The following MYO1E variants were observed in gnomAD, a reference collection of about 807,000 sequenced individuals.
The protein encoded by MYO1E is myosin IE.
Under a neutral mutation model 151.1 loss-of-function variants are expected in MYO1E, and 68 were observed. The observed-to-expected ratio is 0.45, with a 90% CI of 0.37 to 0.55. The LOEUF (loss-of-function observed/expected upper bound fraction) is 0.55, where lower values mean the gene tolerates loss of function less well. Among genes scored for constraint, MYO1E ranks in the 20% least tolerant of loss-of-function variants. The pLI is 0.00. For synonymous variants in MYO1E, 601 were observed against 501.7 expected, an observed-to-expected ratio of 1.20 and a Z score of -2.64; for missense variants, 1,363 against 1,389.3, an observed-to-expected ratio of 0.98 and a Z score of 0.30.
chr15:59,226,689 C>T (rs1459777254), intron 7 of MYO1E, among the ~76,000 whole-genome samples: 1 of 152,174 alleles, frequency 6.6e-6, no homozygotes, highest in Non-Finnish European at 1.5e-5. Flanking sequence ...TGCCTATAGT[C>T]CCAGCTACTT....
intron 15 of MYO1E, among the ~76,000 whole-genome samples, chr15:59,204,064 C>T (rs775958000): frequency 6.6e-6 from 1 of 152,092 alleles, no homozygotes; most frequent in Non-Finnish European, 1.5e-5. Flanking sequence ...TTAAACTTGG[C>T]AGGAATTTTA....
intron 4 of MYO1E, among the ~76,000 whole-genome samples, chr15:59,253,371 A>G (rs2080175946): frequency 6.6e-6 from 1 of 152,214 alleles, no homozygotes; most frequent in African/African-American, 2.4e-5. Context: ...GATTTATAAC[A>G]GACGGGTTCA....
At chr15:59,202,995 C>T (rs1359470931) in intron 15 of MYO1E, among the ~76,000 whole-genome samples, 1 of 152,228 alleles carries the variant, frequency 6.6e-6, no homozygotes, top group African/African-American at 2.4e-5. Context: ...GTGCTCCTGC[C>T]TCAGCCTCCT....
chr15:59,217,813 C>G (rs2079928744), intron 10 of MYO1E, 78 bp downstream of exon 10: 1 of 1,523,376 alleles, frequency 6.6e-7, no homozygotes. Flanking sequence ...CAGGTGTGAG[C>G]CACCGCACCC....
At chr15:59,338,058 A>G (rs2140427121) in intron 1 of MYO1E, among the ~76,000 whole-genome samples, 1 of 152,292 alleles carries the variant, frequency 6.6e-6, no homozygotes, top group African/African-American at 2.4e-5. Flanking sequence ...TCTAAAGGAA[A>G]TAAGCTCTGT....
At chr15:59,347,725 G>A (rs1245959837) in intron 1 of MYO1E, among the ~76,000 whole-genome samples, 1 of 151,990 alleles carries the variant, frequency 6.6e-6, no homozygotes, top group Non-Finnish European at 1.5e-5. Context: ...TTCACAACAG[G>A]AGACAAAGAA....
At chr15:59,281,280 C>CT (rs748503755) in intron 1 of MYO1E, among the ~76,000 whole-genome samples, 56 of 146,136 alleles carry the variant, frequency 3.8e-4, no homozygotes, top group Admixed American at 4.8e-4. Flanking sequence ...TCTTTTCTTT[C>CT]TTTTTTTTTT....
intron 1 of MYO1E, among the ~76,000 whole-genome samples, chr15:59,274,384 T>A (rs147707267): frequency 6.6e-6 from 1 of 152,196 alleles, no homozygotes; most frequent in East Asian, 1.9e-4. Flanking sequence ...TAGATTTCCA[T>A]TGAATGCCCA....
chr15:59,288,164 T>A (rs1023562497), intron 1 of MYO1E, among the ~76,000 whole-genome samples: 3 of 152,214 alleles, frequency 2.0e-5, no homozygotes, highest in African/African-American at 4.8e-5. Context: ...TTACTTTTTT[T>A]AAATTAATCT....
chr15:59,173,902 T>C lies in MYO1E; in HGVS notation c.2178A>G (p.Leu726=), dbSNP rs760000304. 3 of 1,614,060 alleles carry C rather than the reference T, an allele frequency of 1.9e-6. No individual in the cohort carries two copies. Among genetic ancestry groups the C allele is most frequent in the South Asian group, 1.1e-5 (1 of 91,084 alleles). ...VQMREEASDL[L]LNKKERRRNS... ...TTCTCCTTCTCTCCTTCTTGTTCAATAAGAGGTCTGAGGCTACAATTCCCA... is the reference window on the plus strand; with the variant it reads ...TTCTCCTTCTCTCCTTCTTGTTCAACAAGAGGTCTGAGGCTACAATTCCCA... Residue 726 remains leucine, a synonymous_variant, in exon 21 of 28, where the codon TTA becomes TTG. Transcript: ENST00000288235.
intron 22 of MYO1E, among the ~76,000 whole-genome samples, chr15:59,168,063 C>T (rs778593216): frequency 4.3e-4 from 65 of 152,124 alleles, no homozygotes; most frequent in Non-Finnish European, 7.9e-4. Flanking sequence ...TCTCTCTGAG[C>T]TATTGGCCCT....
intron 27 of MYO1E, 110 bp from the exon 28 acceptor site, chr15:59,137,566 T>C: frequency 1.1e-6 from 1 of 875,350 alleles, no homozygotes; most frequent in Non-Finnish European, 1.9e-6. Context: ...CCATGTTGTT[T>C]TCCCTTTGTT....
intron 22 of MYO1E, among the ~76,000 whole-genome samples, chr15:59,167,945 C>G (rs2079571554): frequency 6.6e-6 from 1 of 152,164 alleles, no homozygotes; most frequent in South Asian, 2.1e-4. Context: ...TCCCAAAGTG[C>G]TGGGATTACA....
chr15:59,278,877 T>C (rs1457059504), intron 1 of MYO1E, among the ~76,000 whole-genome samples: 1 of 152,148 alleles, frequency 6.6e-6, no homozygotes, highest in East Asian at 1.9e-4. Flanking sequence ...GACACAAGTA[T>C]TATAATTTCT....
chr15:59,250,204 G>C (rs1346175886), intron 4 of MYO1E, among the ~76,000 whole-genome samples: 4 of 152,162 alleles, frequency 2.6e-5, no homozygotes, highest in Non-Finnish European at 5.9e-5. Flanking sequence ...TGGGGGCTTT[G>C]ACCATAGGAG....
intron 13 of MYO1E, among the ~76,000 whole-genome samples, chr15:59,209,638 T>G (rs2079864747): frequency 6.6e-6 from 1 of 151,834 alleles, no homozygotes; most frequent in Admixed American, 6.6e-5. Flanking sequence ...ATGGCGCCAC[T>G]GCACTCTAGC....
At chr15:59,362,908 C>T (rs1186800266) in intron 1 of MYO1E, among the ~76,000 whole-genome samples, 1 of 151,216 alleles carries the variant, frequency 6.6e-6, no homozygotes, top group African/African-American at 2.4e-5. Context: ...CTCTGTTGTT[C>T]TCACATTTTC....
intron 1 of MYO1E, among the ~76,000 whole-genome samples, chr15:59,308,516 A>T (rs2080529610): frequency 6.6e-6 from 1 of 151,990 alleles, no homozygotes; most frequent in African/African-American, 2.4e-5. Context: ...TACTAAAAAT[A>T]CAAAAATTAG....
chr15:59,223,055 G>C lies in MYO1E; in HGVS notation c.910+4C>G. On this transcript the variant is annotated splice_donor_region_variant and intron_variant, in intron 9 of 27. Coordinates refer to ENST00000288235, the MANE Select transcript of MYO1E (RefSeq NM_004998.4). ...TTCAATGGCCACATGCCAGGGCTAC[G>C]CACACTCTTCACTCTCCACAGCCGC... 1 of 1,613,708 alleles carries C rather than the reference G, an allele frequency of 6.2e-7. No homozygotes were observed. Among genetic ancestry groups the C allele is most frequent in the South Asian group, 1.1e-5 (1 of 91,052 alleles).
Sources: gnomAD v4.1 joint callset for allele counts (sites outside exome capture counted in the v4.1 genomes callset) on GRCh38, gnomAD v4.1.1 for gene constraint, MANE v1.5 for transcripts, NCBI Gene and HGNC (gene_info 2026-07-23, HGNC 2026-07-21) for gene names.